DIP2C: variants seen among roughly 807,000 people sequenced by gnomAD.
The protein encoded by DIP2C is DIP2 acetate--CoA ligase C (putative).
Under a neutral mutation model 192.4 loss-of-function variants are expected in DIP2C, and 33 were observed. The observed-to-expected ratio is 0.17, with a 90% confidence interval of 0.13 to 0.23. The LOEUF (loss-of-function observed/expected upper bound fraction) is 0.23. DIP2C is among the 10% of genes least tolerant of loss of function. The pLI is 1.00. For missense variants in DIP2C, 1,537 were observed against 2,110.1 expected (o/e 0.73, Z 5.32); for synonymous variants, 979 against 864.1 (o/e 1.13, Z -2.33).
At chr10:472,573 AGTGAGGT>A (rs766362188) in intron 2 of DIP2C, 24 bp from the exon 3 acceptor site, 1 of 1,596,542 alleles carries the variant, frequency 6.3e-7, no homozygotes, top group South Asian at 1.1e-5. Flanking sequence ...AAAACAGCAG[AGTGAGGT>A]GTGACTGTAC....
chr10:300,359 G>C (rs1955965284), intron 32 of DIP2C, among the ~76,000 whole-genome samples: 1 of 152,144 alleles, frequency 6.6e-6, no homozygotes, highest in Non-Finnish European at 1.5e-5. Flanking sequence ...TCAACCTTGA[G>C]GACATTATGC....
chr10:384,684 G>A (rs980549563), intron 14 of DIP2C, 45 bp from the exon 15 acceptor site: 21 of 1,586,790 alleles, frequency 1.3e-5, no homozygotes, highest in Middle Eastern at 1.7e-4. Context: ...GGAGGGGCAC[G>A]CAGAGGAGCA....
chr10:313,136 AC>A (rs1245865433), intron 31 of DIP2C, among the ~76,000 whole-genome samples: 1 of 152,228 alleles, frequency 6.6e-6, no homozygotes, highest in Non-Finnish European at 1.5e-5. Flanking sequence ...ATTTCAAGAT[AC>A]ATATTGAGGG....
intron 1 of DIP2C, among the ~76,000 whole-genome samples, chr10:493,485 G>GC (rs1240392783): frequency 1.3e-5 from 2 of 152,294 alleles, no homozygotes; most frequent in East Asian, 3.9e-4. Flanking sequence ...GGACAATGAA[G>GC]CCCAGCTTCC....
intron 17 of DIP2C, among the ~76,000 whole-genome samples, chr10:373,780 A>G (rs1456271941): frequency 2.6e-5 from 4 of 152,184 alleles, no homozygotes; most frequent in Non-Finnish European, 4.4e-5. Context: ...CTCAAGCAGA[A>G]TATGTTCCAC....
rs560543219 is a variant in DIP2C, at chr10:507,106, G to T, written c.86-20576C>A. Among the ~76,000 whole-genome samples the T allele has an allele frequency of 2.0e-5, 3 of 152,004 alleles. No homozygotes were observed. In the East Asian group the frequency reaches 5.8e-4, roughly 30 times the overall value. On this transcript the variant is annotated intron_variant, in intron 1 of 36. Transcript: ENST00000280886. Reference sequence around the variant, plus strand: ...CGGTCACCCGCTGTGCACGATGAGAGGTATGCGAGGTTAGGGACCTGGTCA... The same window carrying T: ...CGGTCACCCGCTGTGCACGATGAGATGTATGCGAGGTTAGGGACCTGGTCA...
intron 10 of DIP2C, among the ~76,000 whole-genome samples, chr10:391,598 T>C (rs1963460013): frequency 6.6e-6 from 1 of 152,250 alleles, no homozygotes; most frequent in African/African-American, 2.4e-5. Context: ...TCACTCTCTC[T>C]ACGCCCACCA....
rs1049017496 is a variant in DIP2C, at chr10:274,819, G to A, written c.*2506C>T. 6 of 152,150 alleles carry A rather than the reference G, an allele frequency of 3.9e-5. No individual in the cohort carries two copies. Among genetic ancestry groups the A allele is most frequent in the African/African-American group, 1.4e-4 (6 of 41,428 alleles). The allele number at this position is 152,150 out of a possible 1,614,324, so 9.4% of individuals were successfully genotyped here. The stretch of plus-strand genomic sequence containing the variant: ...TCTTTTTGTGCAAGTTGATTACACG[G>A]TTTTGTCTGACTTCAAAAGCACAAG... On this transcript the variant is annotated 3_prime_UTR_variant, in exon 37 of 37. Coordinates refer to ENST00000280886, the MANE Select transcript of DIP2C (RefSeq NM_014974.3).
chr10:453,339 A>AG lies in DIP2C; in HGVS notation c.269-12344dup, dbSNP rs776211368. On this transcript the variant is annotated intron_variant, in intron 3 of 36. Transcript: ENST00000280886. ...CAGAAATCTCTCGGGTGAAGGTACC[A>AG]GGCAGGATTGCAGCGGAGTCAACAG... is the stretch of plus-strand genomic sequence containing the variant. 6.6e-5 allele frequency among the ~76,000 whole-genome samples: 10 copies of AG among 152,256 alleles called. 1 individual carries two copies. The highest frequency in any genetic ancestry group is 1.2e-4 in the Non-Finnish European group (8 of 68,038).
intron 1 of DIP2C, among the ~76,000 whole-genome samples, chr10:530,106 A>G (rs1847278635): frequency 2.0e-5 from 3 of 152,238 alleles, no homozygotes; most frequent in African/African-American, 7.2e-5. Context: ...TAAGTGACTG[A>G]CAGCCCGGAG....
chr10:325,919 C>T (rs532643720), intron 31 of DIP2C, among the ~76,000 whole-genome samples: 37 of 152,228 alleles, frequency 2.4e-4, no homozygotes, highest in African/African-American at 4.8e-4. Context: ...CAGTGGCTCA[C>T]GTCTGTAATC....
chr10:520,375 ATTAAT>A (rs921197821), intron 1 of DIP2C, among the ~76,000 whole-genome samples: 6 of 152,248 alleles, frequency 3.9e-5, no homozygotes, highest in Admixed American at 6.5e-5. Context: ...GTTACTAGAC[ATTAAT>A]TTAAGATGGG....
At chr10:404,913 T>A (rs989123146) in intron 9 of DIP2C, among the ~76,000 whole-genome samples, 1 of 152,220 alleles carries the variant, frequency 6.6e-6, no homozygotes, top group Non-Finnish European at 1.5e-5. Flanking sequence ...TGATGGCATG[T>A]TTTTCAGATC....
chr10:517,434 G>A (rs762269740), intron 1 of DIP2C, among the ~76,000 whole-genome samples: 27 of 152,214 alleles, frequency 1.8e-4, no homozygotes, highest in Non-Finnish European at 2.5e-4. Context: ...CAAGCCCGAC[G>A]CTCCGCCCCA....
chr10:348,501 C>T, intron 26 of DIP2C, 140 bp downstream of exon 26: 2 of 1,357,464 alleles, frequency 1.5e-6, no homozygotes, highest in Admixed American at 4.6e-5. Flanking sequence ...AGGTAGAGAC[C>T]CTGTCCTGAC....
chr10:337,130 CTGTGTG>C (rs138944577), intron 29 of DIP2C, among the ~76,000 whole-genome samples: 8 of 83,050 alleles, frequency 9.6e-5, no homozygotes, highest in East Asian at 4.5e-4. Context: ...GCCTAGGCAG[CTGTGTG>C]TGTGTGTGTG....
intron 10 of DIP2C, among the ~76,000 whole-genome samples, chr10:398,574 C>T (rs1213905703): frequency 6.6e-6 from 1 of 152,232 alleles, no homozygotes; most frequent in African/African-American, 2.4e-5. Flanking sequence ...GGCATGGCCA[C>T]GTCCTCAACC....
intron 33 of DIP2C, among the ~76,000 whole-genome samples, chr10:287,387 T>A (rs1955200869): frequency 6.6e-6 from 1 of 152,204 alleles, no homozygotes; most frequent in Non-Finnish European, 1.5e-5. Context: ...ATGATTGAGA[T>A]AAAGGCAAAA....
chr10:665,455 G>A (rs1448712383), intron 1 of DIP2C: 6 of 151,886 alleles, frequency 4.0e-5, no homozygotes, highest in Non-Finnish European at 8.8e-5. Context: ...CATCTAGCAT[G>A]GAAAATATTT....
Sources: gnomAD v4.1 joint callset for allele counts (sites outside exome capture counted in the v4.1 genomes callset) on GRCh38, gnomAD v4.1.1 for gene constraint, MANE v1.5 for transcripts, NCBI Gene and HGNC (gene_info 2026-07-23, HGNC 2026-07-21) for gene names.